Variants in AUTS2 observed in about 807,000 individuals in gnomAD.
AUTS2 encodes the protein autism susceptibility gene 2 protein.
Under a neutral mutation model 112.4 loss-of-function variants are expected in AUTS2, and 17 were observed. The ratio of observed to expected loss-of-function variants is 0.15; its 90% CI spans 0.10 to 0.23. AUTS2 has a LOEUF of 0.23. AUTS2 is among the 10% of genes least tolerant of loss of function. The pLI, the probability that AUTS2 is intolerant of heterozygous loss-of-function variation, is 1.00. For missense variants in AUTS2, 1,510 were observed against 1,701.6 expected (o/e 0.89, Z 1.98); for synonymous variants, 751 against 702.7 (o/e 1.07, Z -1.09).
intron 2 of AUTS2, among the ~76,000 whole-genome samples, chr7:70,099,584 A>C (rs1019941208): frequency 1.3e-5 from 2 of 151,942 alleles, no homozygotes; most frequent in African/African-American, 4.8e-5. Context: ...TCTGGGACAT[A>C]GGAAATAGCT....
At chr7:70,208,819 A>G (rs1310954962) in intron 4 of AUTS2, among the ~76,000 whole-genome samples, 1 of 151,924 alleles carries the variant, frequency 6.6e-6, no homozygotes, top group African/African-American at 2.4e-5. Flanking sequence ...TCCCTGATAC[A>G]CTAACAATCT....
intron 2 of AUTS2, among the ~76,000 whole-genome samples, chr7:69,945,562 C>T (rs1194817647): frequency 6.6e-6 from 1 of 152,020 alleles, no homozygotes; most frequent in Non-Finnish European, 1.5e-5. Flanking sequence ...GTTAATTAAA[C>T]ACCTTAATCC....
rs117864521 is a variant in AUTS2 at position 69,769,461 on chromosome 7, A to G, written c.310-129825A>G. Among the ~76,000 whole-genome samples, 85 of 152,338 alleles carry G rather than the reference A, an allele frequency of 5.6e-4. 2 individuals are homozygous for G. The East Asian group carries it at 0.015, about 27-fold the overall frequency. Reference sequence around the variant, plus strand: ...TGTTCACAGAGTGGGTTTCATTTATAAATTCAATGAGATTAGCTACAATCT... The same window carrying G: ...TGTTCACAGAGTGGGTTTCATTTATGAATTCAATGAGATTAGCTACAATCT... On this transcript the variant is annotated intron_variant, in intron 1 of 18. Coordinates refer to ENST00000342771, the MANE Select transcript of AUTS2 (RefSeq NM_015570.4).
At chr7:70,517,550 CAAATT>C (rs1799465765) in intron 5 of AUTS2, among the ~76,000 whole-genome samples, 2 of 148,262 alleles carry the variant, frequency 1.3e-5, no homozygotes, top group Admixed American at 6.8e-5. Flanking sequence ...CACATATATA[CAAATT>C]GCATATACAC....
intron 2 of AUTS2, among the ~76,000 whole-genome samples, chr7:70,050,355 CAAAAAAAAAA>C (rs60714093): frequency 1.4e-5 from 1 of 72,864 alleles, no homozygotes; most frequent in African/African-American, 5.4e-5. Context: ...GACTCTGTCT[CAAAAAAAAAA>C]AAAAAAAAAA....
chr7:70,461,618 T>C (rs1478153352), intron 5 of AUTS2, among the ~76,000 whole-genome samples: 2 of 152,230 alleles, frequency 1.3e-5, no homozygotes, highest in African/African-American at 2.4e-5. Context: ...AGCATTTACT[T>C]ATTATATGCC....
At chr7:70,744,081 TCTGA>T (rs1208203793) in intron 6 of AUTS2, among the ~76,000 whole-genome samples, 7 of 152,156 alleles carry the variant, frequency 4.6e-5, no homozygotes, top group Non-Finnish European at 1.0e-4. Context: ...TTCTCACTTT[TCTGA>T]CTGAGTCCAA....
chr7:70,291,360 T>C (rs2129611971), intron 4 of AUTS2: 1 of 152,322 alleles, frequency 6.6e-6, no homozygotes, highest in East Asian at 1.9e-4. Context: ...TAACAGTAAG[T>C]ACTAGATGTG....
intron 2 of AUTS2, among the ~76,000 whole-genome samples, chr7:70,012,827 A>G (rs574331286): frequency 1.3e-5 from 2 of 152,328 alleles, no homozygotes; most frequent in South Asian, 2.1e-4. Flanking sequence ...GCTGGGTTGT[A>G]TTTATAATTT....
chr7:70,511,903 C>T lies in AUTS2; in HGVS notation c.690+76122C>T, dbSNP rs143096422. Among the ~76,000 whole-genome samples, 35 of 152,156 alleles carry T rather than the reference C, an allele frequency of 2.3e-4. No homozygotes were observed. The East Asian group carries it at 6.4e-3, about 28-fold the overall frequency. On this transcript the variant is annotated intron_variant, in intron 5 of 18. Coordinates refer to ENST00000342771, the MANE Select transcript of AUTS2 (RefSeq NM_015570.4). ...GTCCTGTCATAATTTTTAAGTGTTC[C>T]CACTTTCACTCTTCAAAGTGTCCTG...
At chr7:70,007,719 GGGATTTGAACCCA>G (rs1799609448) in intron 2 of AUTS2, among the ~76,000 whole-genome samples, 1 of 152,100 alleles carries the variant, frequency 6.6e-6, no homozygotes, top group Non-Finnish European at 1.5e-5. Flanking sequence ...AGGTGAAGCT[GGGATTTGAACCCA>G]GATAGTCTGT....
At chr7:70,489,984 C>G (rs1486553216) in intron 5 of AUTS2, among the ~76,000 whole-genome samples, 1 of 152,186 alleles carries the variant, frequency 6.6e-6, no homozygotes, top group Non-Finnish European at 1.5e-5. Flanking sequence ...AAATGCAACA[C>G]ATCAAAATCT....
At chr7:70,006,133 A>G (rs1476267103) in intron 2 of AUTS2, among the ~76,000 whole-genome samples, 1 of 152,086 alleles carries the variant, frequency 6.6e-6, no homozygotes, top group Non-Finnish European at 1.5e-5. Context: ...TTCATTTTTT[A>G]TTCCTCAGCT....
At chr7:69,783,088 CT>C (rs398047755) in intron 1 of AUTS2, among the ~76,000 whole-genome samples, 15,352 of 84,712 alleles carry the variant, frequency 0.18, 606 homozygotes, top group African/African-American at 0.24. Flanking sequence ...TGCTGCTCAT[CT>C]TTTTTTTTTT....
At chr7:70,149,129 T>C (rs1584792938) in intron 4 of AUTS2, among the ~76,000 whole-genome samples, 1 of 138,850 alleles carries the variant, frequency 7.2e-6, no homozygotes, top group Non-Finnish European at 1.6e-5. Flanking sequence ...GTTATTACCA[T>C]GCAGTATGCT....
At chr7:70,075,940 C>T (rs1362031687) in intron 2 of AUTS2, among the ~76,000 whole-genome samples, 2 of 152,128 alleles carry the variant, frequency 1.3e-5, no homozygotes, top group Non-Finnish European at 2.9e-5. Context: ...TTTTTTGGGC[C>T]ATACAGTCTC....
chr7:70,791,042 CACCAG>C lies in AUTS2; in HGVS notation c.*47_*51del. 1 of 1,448,322 alleles carries C rather than the reference CACCAG, an allele frequency of 6.9e-7. No homozygotes were observed. The highest frequency in any genetic ancestry group is 1.4e-5 in the African/African-American group (1 of 70,392). 89.7% of individuals were successfully genotyped at this position (1,448,322 alleles called of 1,614,324 possible). Reference sequence around the variant, plus strand: ...CGAGGAAGAAGAAACCCTAGGCAGACACCAGGCCAGGCTTGAGAGACAGAACTCCT... The same window carrying C: ...CGAGGAAGAAGAAACCCTAGGCAGACGCCAGGCTTGAGAGACAGAACTCCT... On this transcript the variant is annotated 3_prime_UTR_variant, in exon 19 of 19. Coordinates refer to ENST00000342771, the MANE Select transcript of AUTS2 (RefSeq NM_015570.4).
At chr7:69,955,766 T>G (rs918133113) in intron 2 of AUTS2, among the ~76,000 whole-genome samples, 2 of 152,082 alleles carry the variant, frequency 1.3e-5, no homozygotes, top group Non-Finnish European at 2.9e-5. Context: ...ATGTTCCTCC[T>G]AGACAAGGAA....
At chr7:70,453,233 CAA>C (rs1435158470) in intron 5 of AUTS2, among the ~76,000 whole-genome samples, 2 of 152,154 alleles carry the variant, frequency 1.3e-5, no homozygotes, top group Admixed American at 6.5e-5. Context: ...GCCAATGAAA[CAA>C]TGATGGGAAT....
Sources: gnomAD v4.1 joint callset for allele counts (sites outside exome capture counted in the v4.1 genomes callset) on GRCh38, gnomAD v4.1.1 for gene constraint, MANE v1.5 for transcripts, NCBI Gene and HGNC (gene_info 2026-07-23, HGNC 2026-07-21) for gene names.